The following DGCR2 variants were observed in gnomAD, a reference collection of about 807,000 sequenced individuals.
The protein encoded by DGCR2 is DiGeorge syndrome critical region gene 2.
A neutral mutation model predicts 51.6 loss-of-function variants in DGCR2; 24 were observed. The ratio of observed to expected loss-of-function variants is 0.47; its 90% CI spans 0.34 to 0.65. DGCR2 has a LOEUF of 0.65. Ranked by LOEUF, DGCR2 falls within the 30% of genes least tolerant of loss-of-function variation. The pLI is 0.01. For missense variants in DGCR2, 765 were observed against 772.1 expected, an observed-to-expected ratio of 0.99 and a Z score of 0.11; for synonymous variants, 340 against 315.4, an observed-to-expected ratio of 1.08 and a Z score of -0.82.
chr22:19,099,164 G>A lies in DGCR2; in HGVS notation c.80-9674C>T, dbSNP rs2083172770. 2.0e-5 allele frequency among the ~76,000 whole-genome samples: 3 copies of A among 152,186 alleles called. No individual in the cohort carries two copies. In the South Asian group the frequency reaches 6.2e-4, roughly 31 times the overall value. ...GTGCCAGGCAGTTCTCCAGGTGACA[G>A]GGCTGTGGTAATGAACAAAGAAAGT... On this transcript the variant is annotated intron_variant, in intron 1 of 9. Transcript: ENST00000263196.
At chr22:19,056,554 TAAAA>T in intron 6 of DGCR2, 2 of 249,012 alleles carry the variant, frequency 8.0e-6, no homozygotes, top group Non-Finnish European at 7.2e-6. Flanking sequence ...CTGGCTTTAA[TAAAA>T]AAAAAAAAAC....
At chr22:19,048,324 G>A (rs2082512103) in intron 7 of DGCR2, 116 bp downstream of exon 7, 1 of 1,076,920 alleles carries the variant, frequency 9.3e-7, no homozygotes, top group Admixed American at 1.9e-5. Context: ...TGCCATTGCT[G>A]CTGCGCGATG....
At chr22:19,081,549 A>G (rs190933151) in intron 2 of DGCR2, among the ~76,000 whole-genome samples, 1 of 152,354 alleles carries the variant, frequency 6.6e-6, no homozygotes, top group Non-Finnish European at 1.5e-5. Flanking sequence ...TTTCCAAGAC[A>G]TGTATCAATG....
intron 2 of DGCR2, among the ~76,000 whole-genome samples, chr22:19,075,405 C>A (rs1249580002): frequency 2.6e-5 from 4 of 151,952 alleles, no homozygotes; most frequent in Non-Finnish European, 5.9e-5. Context: ...CGAGATCGTG[C>A]CACTGCACTC....
chr22:19,036,712 CCAA>C lies in DGCR2; in HGVS notation c.*2150_*2152del, dbSNP rs1391078871. ...CTGCCATGTGGACCTTCTGCCTGGC[CCAA>C]CGTGCCAGTGGCCTGAGTGCTTGTG... On this transcript the variant is annotated 3_prime_UTR_variant, in exon 10 of 10. Coordinates refer to ENST00000263196, the MANE Select transcript of DGCR2 (RefSeq NM_005137.3). 1 of 150,294 alleles carries C rather than the reference CCAA, an allele frequency of 6.7e-6. No homozygotes were observed. The highest frequency in any genetic ancestry group is 2.5e-5 in the African/African-American group (1 of 40,656). 9.3% of individuals were successfully genotyped at this position (150,294 alleles called of 1,614,324 possible). A position where few individuals can be genotyped will look rare whatever the true frequency, so the allele number is the denominator to read the frequency against.
rs1467359351 is a variant in DGCR2 at position 19,038,256 on chromosome 22, A to T, written c.*609T>A. ...TCCTTCTCAGGGCTTCAGGTTCCAG[A>T]GCCCCAGGGGAGCTCCCAGCCAGGG... On this transcript the variant is annotated 3_prime_UTR_variant, in exon 10 of 10. Transcript: ENST00000263196. 6.5e-6 allele frequency: 1 copy of T among 153,246 alleles called. No homozygotes were observed. Among genetic ancestry groups the T allele is most frequent in the East Asian group, 1.9e-4 (1 of 5,192 alleles). The allele number at this position is 153,246 out of a possible 1,614,324, so 9.5% of individuals were successfully genotyped here. A position where few individuals can be genotyped will look rare whatever the true frequency, so the allele number is the denominator to read the frequency against.
At chr22:19,062,774 T>TTCTCTCTCATTCTC (rs1569052709) in intron 5 of DGCR2, among the ~76,000 whole-genome samples, 1 of 113,872 alleles carries the variant, frequency 8.8e-6, no homozygotes, top group Non-Finnish European at 1.9e-5. Flanking sequence ...CACACATGCA[T>TTCTCTCTCATTCTC]GCTCACTCTC....
In DGCR2 at chr22:19,046,741, C is replaced by T. The variant is rs1247546783; in HGVS notation, c.1006+1699G>A. On this transcript the variant is annotated intron_variant, in intron 7 of 9. Transcript: ENST00000263196. ...GGCCACAGGGCAGGCAGAGCAGGGC[C>T]CAGCTAAGTCGCTCTGGCCGTGCAG... 7 of 443,556 alleles carry T rather than the reference C, an allele frequency of 1.6e-5. No individual in the cohort carries two copies. The East Asian group carries it at 5.0e-4, about 31-fold the overall frequency. The allele number at this position is 443,556 out of a possible 1,614,324, so 27.5% of individuals were successfully genotyped here. A position where few individuals can be genotyped will look rare whatever the true frequency, so the allele number is the denominator to read the frequency against.
chr22:19,068,077 G>A, intron 3 of DGCR2, 23 bp downstream of exon 3: 1 of 1,546,538 alleles, frequency 6.5e-7, no homozygotes, highest in Non-Finnish European at 8.7e-7. Context: ...CAGTGTCCCA[G>A]TCAGGGCAGG....
chr22:19,054,583 T>C (rs935622850), intron 6 of DGCR2, among the ~76,000 whole-genome samples: 1 of 152,150 alleles, frequency 6.6e-6, no homozygotes, highest in African/African-American at 2.4e-5. Context: ...AAAACTAATA[T>C]AGTATAATAC....
At chr22:19,114,921 C>A (rs1440150550) in intron 1 of DGCR2, among the ~76,000 whole-genome samples, 2 of 152,200 alleles carry the variant, frequency 1.3e-5, no homozygotes, top group Admixed American at 1.3e-4. Flanking sequence ...GGATGACAGA[C>A]TAACCAAGGA....
In DGCR2 at chr22:19,073,239, G is replaced by C. The variant is rs987181677; in HGVS notation, c.203-5014C>G. ...TGACCACACTAGTGCACTCCAGCCTGAGTGACAGTGAGACCTGTCACACAC... is the reference window on the plus strand; with the variant it reads ...TGACCACACTAGTGCACTCCAGCCTCAGTGACAGTGAGACCTGTCACACAC... On this transcript the variant is annotated intron_variant, in intron 2 of 9. Coordinates refer to ENST00000263196, the MANE Select transcript of DGCR2 (RefSeq NM_005137.3). Among the ~76,000 whole-genome samples the C allele has an allele frequency of 3.3e-5, 5 of 152,146 alleles. No homozygotes were observed. In the South Asian group the frequency reaches 1.0e-3, roughly 32 times the overall value.
chr22:19,079,936 A>C (rs933853930), intron 2 of DGCR2, among the ~76,000 whole-genome samples: 9 of 152,388 alleles, frequency 5.9e-5, no homozygotes, highest in African/African-American at 2.2e-4. Context: ...CATAAGAGGA[A>C]GGTGACCCAG....
At chr22:19,118,725 A>C (rs2083399889) in intron 1 of DGCR2, among the ~76,000 whole-genome samples, 1 of 152,236 alleles carries the variant, frequency 6.6e-6, no homozygotes, top group South Asian at 2.1e-4. Flanking sequence ...TTCAGAAGGC[A>C]ATTTTTTCTC....
chr22:19,062,773 A>AGTC (rs2082684598), intron 5 of DGCR2, among the ~76,000 whole-genome samples: 1 of 113,172 alleles, frequency 8.8e-6, no homozygotes, highest in Non-Finnish European at 2.0e-5. Context: ...ACACACATGC[A>AGTC]TGCTCACTCT....
chr22:19,079,134 T>C (rs930516388), intron 2 of DGCR2, among the ~76,000 whole-genome samples: 4 of 152,192 alleles, frequency 2.6e-5, no homozygotes, highest in African/African-American at 4.8e-5. Flanking sequence ...TATTCTCTTA[T>C]AATCCTGGCA....
At chr22:19,063,373 G>A (rs574772372) in intron 4 of DGCR2, 95 bp from the exon 5 acceptor site, 326 of 1,138,320 alleles carry the variant, frequency 2.9e-4, no homozygotes, top group Admixed American at 2.2e-3. Flanking sequence ...ACAGAGTCTC[G>A]CTCTGTCACC....
intron 2 of DGCR2, among the ~76,000 whole-genome samples, chr22:19,087,163 C>T (rs1383011973): frequency 6.6e-6 from 1 of 152,170 alleles, no homozygotes; most frequent in Non-Finnish European, 1.5e-5. Flanking sequence ...CAGGGAACTT[C>T]AGCAGCCCAA....
intron 1 of DGCR2, among the ~76,000 whole-genome samples, chr22:19,104,931 G>A (rs2146040057): frequency 6.6e-6 from 1 of 152,330 alleles, no homozygotes; most frequent in Non-Finnish European, 1.5e-5. Context: ...AGGGCTGGCT[G>A]GGCTATTGTA....
Sources: allele counts gnomAD v4.1 joint callset (sites outside exome capture counted in the v4.1 genomes callset), GRCh38; gene constraint gnomAD v4.1.1; transcripts MANE v1.5; gene names NCBI Gene and HGNC (gene_info 2026-07-23, HGNC 2026-07-21).